FRMD4B: variants seen among roughly 807,000 people sequenced by gnomAD.
FRMD4B encodes the protein FERM domain-containing protein 4B.
In FRMD4B, 74 loss-of-function variants were observed where a neutral mutation model predicts 141.5. The observed-to-expected ratio is 0.52, with a 90% confidence interval of 0.43 to 0.63. FRMD4B has a LOEUF of 0.63. Ranked by LOEUF, FRMD4B falls within the 30% of genes least tolerant of loss-of-function variation. The pLI is 0.00. For synonymous variants in FRMD4B, 506 were observed against 467.9 expected, an observed-to-expected ratio of 1.08 and a Z score of -1.05; for missense variants, 1,366 against 1,253.4, an observed-to-expected ratio of 1.09 and a Z score of -1.36.
At chr3:69,285,099 G>A (rs1337401141) in intron 5 of FRMD4B, among the ~76,000 whole-genome samples, 1 of 152,192 alleles carries the variant, frequency 6.6e-6, no homozygotes, top group African/African-American at 2.4e-5. Context: ...GGAGGTGGAG[G>A]TTGTGGTGAG....
At chr3:69,359,957 T>C (rs900173221) in intron 1 of FRMD4B, among the ~76,000 whole-genome samples, 1 of 152,186 alleles carries the variant, frequency 6.6e-6, no homozygotes, top group African/African-American at 2.4e-5. Context: ...AGAACAGGAT[T>C]TGAACCCAGG....
chr3:69,446,391 G>T (rs1640989943), intron 1 of FRMD4B, among the ~76,000 whole-genome samples: 1 of 151,514 alleles, frequency 6.6e-6, no homozygotes, highest in Non-Finnish European at 1.5e-5. Context: ...GGAGTGCAGT[G>T]GTGCGATCTC....
chr3:69,526,292 G>A (rs1000946941), intron 1 of FRMD4B, among the ~76,000 whole-genome samples: 3 of 152,172 alleles, frequency 2.0e-5, no homozygotes, highest in Non-Finnish European at 2.9e-5. Context: ...AGCCTCCCCA[G>A]TGTGAACAAG....
chr3:69,490,181 C>A (rs999269154), intron 1 of FRMD4B, among the ~76,000 whole-genome samples: 1 of 152,054 alleles, frequency 6.6e-6, no homozygotes, highest in African/African-American at 2.4e-5. Context: ...ACACTAAAAG[C>A]CACTGAATTG....
chr3:69,533,894 C>T (rs946577750), intron 1 of FRMD4B, among the ~76,000 whole-genome samples: 17 of 152,174 alleles, frequency 1.1e-4, no homozygotes, highest in African/African-American at 3.9e-4. Context: ...TCTCCTCTTC[C>T]TAACATGATT....
At chr3:69,449,573 G>A (rs973926087) in intron 1 of FRMD4B, among the ~76,000 whole-genome samples, 2 of 152,170 alleles carry the variant, frequency 1.3e-5, no homozygotes, top group African/African-American at 2.4e-5. Context: ...AGATCATCCA[G>A]TCCTATGATC....
At position 69,285,090 on chromosome 3, in the gene FRMD4B, G is replaced by T. The variant is rs183887391; in HGVS notation, c.501+2662C>A. ...AGGCAGGAGAATCACTTCAATCCAG[G>T]AGGTGGAGGTTGTGGTGAGCCAAGA... On this transcript the variant is annotated intron_variant, in intron 5 of 22. Transcript: ENST00000398540. 1.1e-4 allele frequency among the ~76,000 whole-genome samples: 16 copies of T among 152,270 alleles called. No homozygotes were observed. The East Asian group carries it at 2.9e-3, about 28-fold the overall frequency.
intron 1 of FRMD4B, among the ~76,000 whole-genome samples, chr3:69,314,141 A>AAAAAAAC (rs1701713416): frequency 1.8e-5 from 1 of 56,468 alleles, no homozygotes; most frequent in Non-Finnish European, 4.1e-5. Context: ...TCCGTCTCAA[A>AAAAAAAC]AAAAAAAAAA....
In FRMD4B at chr3:69,171,820, G is replaced by A. The variant is rs1704504882; in HGVS notation, c.*41C>T. Reference sequence around the variant, plus strand: ...CAAATACAATTTGCAAGGCACACTAGTGTGAGAACGCAGTGCTTGGTCAGG... The same window carrying A: ...CAAATACAATTTGCAAGGCACACTAATGTGAGAACGCAGTGCTTGGTCAGG... On this transcript the variant is annotated 3_prime_UTR_variant, in exon 23 of 23. Transcript: ENST00000398540. The A allele has an allele frequency of 6.3e-7, 1 of 1,599,752 alleles. No individual in the cohort carries two copies. The highest frequency in any genetic ancestry group is 1.3e-5 in the African/African-American group (1 of 74,742).
chr3:69,303,981 C>T (rs1701305402), intron 3 of FRMD4B, among the ~76,000 whole-genome samples: 1 of 151,918 alleles, frequency 6.6e-6, no homozygotes, highest in Non-Finnish European at 1.5e-5. Context: ...CATAACAATA[C>T]CACAGCTTTT....
At chr3:69,223,126 T>G (rs2093213487) in intron 8 of FRMD4B, among the ~76,000 whole-genome samples, 1 of 152,212 alleles carries the variant, frequency 6.6e-6, no homozygotes, top group African/African-American at 2.4e-5. Context: ...GTAAAACTTG[T>G]TGACTGGAAA....
At chr3:69,335,338 A>G (rs1396187633) in intron 1 of FRMD4B, among the ~76,000 whole-genome samples, 4 of 151,376 alleles carry the variant, frequency 2.6e-5, no homozygotes, top group Non-Finnish European at 5.9e-5. Context: ...TTGGGTTAAG[A>G]CATTGTTGCA....
intron 1 of FRMD4B, among the ~76,000 whole-genome samples, chr3:69,453,416 G>A (rs530408788): frequency 5.3e-5 from 8 of 152,300 alleles, no homozygotes; most frequent in African/African-American, 9.6e-5. Flanking sequence ...ACTTGGCACC[G>A]TGCATAGCGC....
At chr3:69,191,631 C>G (rs751110328) in intron 17 of FRMD4B, among the ~76,000 whole-genome samples, 4 of 152,172 alleles carry the variant, frequency 2.6e-5, no homozygotes, top group Non-Finnish European at 5.9e-5. Flanking sequence ...GTATCAGAAA[C>G]AAGTGAACTA....
intron 7 of FRMD4B, among the ~76,000 whole-genome samples, chr3:69,235,162 T>A (rs2093336830): frequency 7.7e-6 from 1 of 129,846 alleles, no homozygotes; most frequent in Non-Finnish European, 1.6e-5. Context: ...ATAATAATAA[T>A]AATAATAATA....
chr3:69,342,152 A>G (rs1053751811), intron 1 of FRMD4B, among the ~76,000 whole-genome samples: 10 of 152,314 alleles, frequency 6.6e-5, no homozygotes, highest in African/African-American at 2.4e-4. Context: ...AAGGCTTTTT[A>G]TAACTTCCTG....
chr3:69,202,479 TAAA>T (rs1185152077), intron 11 of FRMD4B, among the ~76,000 whole-genome samples: 1 of 126,994 alleles, frequency 7.9e-6, no homozygotes, highest in Non-Finnish European at 1.7e-5. Flanking sequence ...ATTAGAGACT[TAAA>T]AAAAAAAAAA....
chr3:69,407,570 G>C (rs1704670176), intron 2 of FRMD4B, among the ~76,000 whole-genome samples: 1 of 152,208 alleles, frequency 6.6e-6, no homozygotes, highest in Non-Finnish European at 1.5e-5. Context: ...CCCAAACGAT[G>C]TTCAGGGGTT....
At chr3:69,369,467 GA>G in intron 1 of FRMD4B, among the ~76,000 whole-genome samples, 1 of 152,138 alleles carries the variant, frequency 6.6e-6, no homozygotes, top group East Asian at 1.9e-4. Flanking sequence ...ATATAAGCCT[GA>G]AAAAATTAAA....
Sources: allele counts gnomAD v4.1 joint callset (sites outside exome capture counted in the v4.1 genomes callset), GRCh38; gene constraint gnomAD v4.1.1; transcripts MANE v1.5; gene names NCBI Gene and HGNC (gene_info 2026-07-23, HGNC 2026-07-21).